The following USP34 variants were observed in gnomAD, a reference collection of about 807,000 sequenced individuals.
USP34 encodes ubiquitin specific peptidase 34.
USP34 carries 70 observed loss-of-function variants against 460.3 expected under a neutral mutation model. That is an observed-to-expected ratio of 0.15 (90% CI 0.13 to 0.19). The LOEUF (loss-of-function observed/expected upper bound fraction) is 0.19. Ranked by LOEUF, USP34 falls within the 10% of genes least tolerant of loss-of-function variation. The pLI is 1.00. For missense variants in USP34, 3,985 were observed against 4,236.2 expected (o/e 0.94, Z 1.65); for synonymous variants, 1,647 against 1,405.3 (o/e 1.17, Z -3.85).
intron 1 of USP34, among the ~76,000 whole-genome samples, chr2:61,449,920 G>A (rs948536787): frequency 2.0e-5 from 3 of 151,986 alleles, no homozygotes; most frequent in African/African-American, 4.8e-5. Context: ...ACAAAAATAA[G>A]CTGGGCATGG....
rs71405114 is a variant in USP34 at position 61,403,992 on chromosome 2, CAAAAAAAAAAAAAA to C, written c.552+1702_552+1715del. Among the ~76,000 whole-genome samples, 36 of 29,128 alleles carry C rather than the reference CAAAAAAAAAAAAAA, an allele frequency of 1.2e-3. 1 individual carries two copies. In the Admixed American group the frequency reaches 0.021, roughly 17 times the overall value. The allele number at this position is 29,128 out of a possible 152,430, so 19.1% of individuals were successfully genotyped here. A position where few individuals can be genotyped will look rare whatever the true frequency, so the allele number is the denominator to read the frequency against. ...TGGGCGACAGATCAAGACTCTATCTCAAAAAAAAAAAAAAAAAAAAAAAAAAGCTTTAGAACAGT... is the reference window on the plus strand; with the variant it reads ...TGGGCGACAGATCAAGACTCTATCTCAAAAAAAAAAAAGCTTTAGAACAGT... On this transcript the variant is annotated intron_variant, in intron 3 of 79. Transcript: ENST00000398571.
intron 1 of USP34, among the ~76,000 whole-genome samples, chr2:61,448,548 A>T (rs1469794150): frequency 6.6e-6 from 1 of 152,216 alleles, no homozygotes; most frequent in African/African-American, 2.4e-5. Flanking sequence ...ATACTTTGAT[A>T]ACCACTGATC....
At chr2:61,441,481 G>GACTAGA (rs2104025319) in intron 1 of USP34, among the ~76,000 whole-genome samples, 1 of 152,198 alleles carries the variant, frequency 6.6e-6, no homozygotes, top group South Asian at 2.1e-4. Flanking sequence ...GATGTCAGGA[G>GACTAGA]GCCTCCTCTG....
At chr2:61,359,780 T>G (rs971118420) in intron 10 of USP34, among the ~76,000 whole-genome samples, 1 of 47,296 alleles carries the variant, frequency 2.1e-5, no homozygotes, top group African/African-American at 5.3e-5. Flanking sequence ...CCCACAGTTG[T>G]TTTTTTTTTT....
In USP34 at chr2:61,437,746, C is replaced by G. The variant is rs933016689; in HGVS notation, c.44-16913G>C. ...CCAGATTGTACCACTGCACTCCAGC[C>G]TGGGCAACAGAGCGAGACTCCGTCT... On this transcript the variant is annotated intron_variant, in intron 1 of 79. Coordinates refer to ENST00000398571, the MANE Select transcript of USP34 (RefSeq NM_014709.4). 2.7e-5 allele frequency among the ~76,000 whole-genome samples: 4 copies of G among 148,558 alleles called. No individual in the cohort carries two copies. In the South Asian group the frequency reaches 8.5e-4, roughly 31 times the overall value.
chr2:61,459,434 ACTT>A (rs1695534895), intron 1 of USP34, among the ~76,000 whole-genome samples: 1 of 152,198 alleles, frequency 6.6e-6, no homozygotes, highest in Non-Finnish European at 1.5e-5. Context: ...TAGTATTCCA[ACTT>A]CATAAGCATG....
At position 61,228,979 on chromosome 2, in the gene USP34, T is replaced by A; in HGVS notation, c.7216A>T (p.Thr2406Ser). The A allele has an allele frequency of 6.3e-7, 1 of 1,592,004 alleles. No individual in the cohort carries two copies. The highest frequency in any genetic ancestry group is 8.6e-7 in the Non-Finnish European group (1 of 1,169,542). Residue 2406 changes from threonine to serine, a missense_variant, in exon 60 of 80, where the codon ACC becomes TCC. Transcript: ENST00000398571. ...CGACCACCAATATCTTCTACTGAGG[T>A]ATCCATATCATCTGACCTAAGAGAC... Reference protein sequence around the residue: ...GMEDGSDDMDTSVEDIGGRSC... With the variant: ...GMEDGSDDMDSSVEDIGGRSC...
intron 15 of USP34, among the ~76,000 whole-genome samples, chr2:61,345,564 ACTTATTGTGCAC>A (rs1465215345): frequency 6.6e-6 from 1 of 152,230 alleles, no homozygotes; most frequent in African/African-American, 2.4e-5. Flanking sequence ...CTTATCGAGC[ACTTATTGTGCAC>A]CAATCACATT....
intron 70 of USP34, chr2:61,207,932 T>C (rs1392188426): frequency 1.3e-5 from 2 of 152,322 alleles, no homozygotes; most frequent in Non-Finnish European, 2.9e-5. Context: ...AAAAACATCC[T>C]ACCTGTGAAT....
intron 18 of USP34, among the ~76,000 whole-genome samples, chr2:61,338,950 C>G (rs943378208): frequency 2.0e-5 from 3 of 152,112 alleles, no homozygotes; most frequent in Non-Finnish European, 4.4e-5. Context: ...AAGAACAATA[C>G]TAATATCAAA....
chr2:61,325,494 T>C, intron 20 of USP34, 37 bp from the exon 21 acceptor site: 1 of 1,326,162 alleles, frequency 7.5e-7, no homozygotes, highest in African/African-American at 1.6e-5. Context: ...TTAAATATCC[T>C]ATTTCTTAAT....
In USP34 at chr2:61,349,157, T is replaced by A; in HGVS notation, c.1543+93A>T. The A allele has an allele frequency of 3.5e-6, 5 of 1,428,278 alleles. No homozygotes were observed. In the South Asian group the frequency reaches 5.2e-5, roughly 15 times the overall value. The allele number at this position is 1,428,278 out of a possible 1,614,324, so 88.5% of individuals were successfully genotyped here. On this transcript the variant is annotated intron_variant, in intron 13 of 79. Coordinates refer to ENST00000398571, the MANE Select transcript of USP34 (RefSeq NM_014709.4). ...TCCTCAAAATGAACTTTATGACTGA[T>A]ACAAATATATTATTATGTAAAATCA...
At chr2:61,359,780 T>A (rs971118420) in intron 10 of USP34, among the ~76,000 whole-genome samples, 1 of 47,296 alleles carries the variant, frequency 2.1e-5, no homozygotes, top group Non-Finnish European at 6.0e-5. Context: ...CCCACAGTTG[T>A]TTTTTTTTTT....
chr2:61,457,512 G>C (rs368420748), intron 1 of USP34, among the ~76,000 whole-genome samples: 1 of 152,186 alleles, frequency 6.6e-6, no homozygotes. Context: ...ATCCTACCTA[G>C]TTTAAAAAGA....
chr2:61,467,921 C>T (rs1338979981), intron 1 of USP34, among the ~76,000 whole-genome samples: 1 of 151,834 alleles, frequency 6.6e-6, no homozygotes, highest in Non-Finnish European at 1.5e-5. Context: ...TTCAGAGTTG[C>T]CCGGCCAACT....
At chr2:61,211,151 T>G (rs1687263271) in intron 69 of USP34, among the ~76,000 whole-genome samples, 1 of 152,112 alleles carries the variant, frequency 6.6e-6, no homozygotes, top group African/African-American at 2.4e-5. Flanking sequence ...GATATTACAG[T>G]GAAGTCTTCA....
chr2:61,236,230 C>T lies in USP34; in HGVS notation c.6849G>A (p.Met2283Ile). The change falls in exon 55 of 80, where the codon ATG becomes ATA. Residue 2283 changes from methionine to isoleucine, a missense_variant. Met to Ile is a conservative substitution (Grantham distance 10). Transcript: ENST00000398571. The stretch of plus-strand genomic sequence containing the variant: ...TGGGAATACAACTACACAATTGCCA[C>T]ATAAATCTAGAATTTAAAAATAATC... ...NIFEHTYFGFMWQLCSCIPST... is the reference protein window; with the variant it reads ...NIFEHTYFGFIWQLCSCIPST... The T allele has an allele frequency of 6.2e-7, 1 of 1,609,492 alleles. No homozygotes were observed. The highest frequency in any genetic ancestry group is 8.5e-7 in the Non-Finnish European group (1 of 1,178,292).
At chr2:61,229,662 A>C in intron 58 of USP34, 29 bp from the exon 59 acceptor site, 1 of 1,568,354 alleles carries the variant, frequency 6.4e-7, no homozygotes, top group Non-Finnish European at 8.7e-7. Flanking sequence ...ATCAAACAAG[A>C]GCCAACTCAT....
chr2:61,333,112 ATCT>A (rs1345171377), intron 19 of USP34, among the ~76,000 whole-genome samples: 1 of 152,040 alleles, frequency 6.6e-6, no homozygotes, highest in East Asian at 1.9e-4. Context: ...CATACAACAC[ATCT>A]TCTTAATGTA....
Sources: gnomAD v4.1 joint callset for allele counts (sites outside exome capture counted in the v4.1 genomes callset) on GRCh38, gnomAD v4.1.1 for gene constraint, MANE v1.5 for transcripts, NCBI Gene and HGNC (gene_info 2026-07-23, HGNC 2026-07-21) for gene names.